PMEPA1: variants seen among roughly 807,000 people sequenced by gnomAD.
PMEPA1 encodes prostate transmembrane protein, androgen induced 1.
Under a neutral mutation model 23.0 loss-of-function variants are expected in PMEPA1, and 11 were observed. That is an observed-to-expected ratio of 0.48 (90% CI 0.30 to 0.79). PMEPA1 has a LOEUF of 0.79. Among genes scored for constraint, PMEPA1 ranks in the 30% least tolerant of loss-of-function variants. The pLI is 0.06. For synonymous variants in PMEPA1, 204 were observed against 166.4 expected (o/e 1.23, Z -1.74); for missense variants, 377 against 390.9 (o/e 0.96, Z 0.30).
intron 1 of PMEPA1, among the ~76,000 whole-genome samples, chr20:57,668,453 G>A (rs1600639960): frequency 1.3e-5 from 2 of 152,188 alleles, no homozygotes; most frequent in South Asian, 4.1e-4. Flanking sequence ...TTCCCGGATG[G>A]AACCTCTTGA....
At chr20:57,672,703 G>A (rs1350695057) in intron 1 of PMEPA1, among the ~76,000 whole-genome samples, 2 of 152,208 alleles carry the variant, frequency 1.3e-5, no homozygotes, top group African/African-American at 2.4e-5. Context: ...CAGAGAGGCT[G>A]GAGGAAGCAG....
intron 1 of PMEPA1, chr20:57,690,377 C>T: frequency 8.1e-7 from 1 of 1,229,668 alleles, no homozygotes; most frequent in South Asian, 1.3e-5. Context: ...GAGAATATCC[C>T]CAGAGAAGAA....
chr20:57,666,597 G>A (rs919584473), intron 1 of PMEPA1, among the ~76,000 whole-genome samples: 1 of 152,208 alleles, frequency 6.6e-6, no homozygotes, highest in African/African-American at 2.4e-5. Flanking sequence ...TGAGCCAAGG[G>A]CTTGTGTTGA....
At chr20:57,708,761 GAC>G (rs1025782218) in intron 1 of PMEPA1, among the ~76,000 whole-genome samples, 1 of 152,038 alleles carries the variant, frequency 6.6e-6, no homozygotes, top group Non-Finnish European at 1.5e-5. Context: ...CAGACACCTG[GAC>G]ACACACGGTC....
intron 1 of PMEPA1, among the ~76,000 whole-genome samples, chr20:57,698,814 G>GAC (rs1568685000): frequency 3.6e-4 from 54 of 151,588 alleles, no homozygotes; most frequent in South Asian, 1.0e-3. Context: ...TACATATAGA[G>GAC]GCACACACAC....
At chr20:57,676,722 C>T (rs1239337567) in intron 1 of PMEPA1, among the ~76,000 whole-genome samples, 3 of 152,090 alleles carry the variant, frequency 2.0e-5, no homozygotes, top group East Asian at 3.9e-4. Flanking sequence ...GGGAGCTGGA[C>T]CCCCCATGAC....
chr20:57,660,710 C>T (rs1167482164), intron 1 of PMEPA1, among the ~76,000 whole-genome samples: 1 of 147,674 alleles, frequency 6.8e-6, no homozygotes, highest in Non-Finnish European at 1.5e-5. Flanking sequence ...ACACAAATAA[C>T]ACCCCAACAC....
In PMEPA1 at chr20:57,683,579, G is replaced by A. The variant is rs1320228926; in HGVS notation, c.110-23882C>T. On this transcript the variant is annotated intron_variant, in intron 1 of 3. Transcript: ENST00000341744. This position sits in a 1 kb window ranked among gnomAD's most constrained non-coding sequence, Gnocchi z 4.3. ...CGTGTGTGTGTGTGTGTGTGTGTGTGTGTGTTTCTTTTAAAAGTCTCTTCC... is the reference window on the plus strand; with the variant it reads ...CGTGTGTGTGTGTGTGTGTGTGTGTATGTGTTTCTTTTAAAAGTCTCTTCC... Among the ~76,000 whole-genome samples, 1 of 151,568 alleles carries A rather than the reference G, an allele frequency of 6.6e-6. No individual in the cohort carries two copies. Among genetic ancestry groups the A allele is most frequent in the Non-Finnish European group, 1.5e-5 (1 of 67,764 alleles).
intron 1 of PMEPA1, among the ~76,000 whole-genome samples, chr20:57,707,751 C>G: frequency 6.6e-6 from 1 of 151,612 alleles, no homozygotes; most frequent in Admixed American, 6.6e-5. Context: ...GTGTGCCCCT[C>G]GAGCAGGAGG....
chr20:57,653,756 T>A (rs1673827530), intron 2 of PMEPA1, among the ~76,000 whole-genome samples: 1 of 152,222 alleles, frequency 6.6e-6, no homozygotes, highest in African/African-American at 2.4e-5. Flanking sequence ...CACGGCCCGC[T>A]GCTGTCCACT....
intron 1 of PMEPA1, among the ~76,000 whole-genome samples, chr20:57,708,651 G>A (rs941752959): frequency 2.6e-5 from 4 of 152,128 alleles, no homozygotes; most frequent in African/African-American, 9.7e-5. Context: ...CCAGACAGAG[G>A]CTATTTATAG....
rs1177546345 is a variant in PMEPA1, at chr20:57,704,539, C to T, written c.109+4935G>A. ...AACCCGAGGCTGGCAGCAGCACAGCCTCCGAAATTCACCGTGTAAGAGTTC... is the reference window on the plus strand; with the variant it reads ...AACCCGAGGCTGGCAGCAGCACAGCTTCCGAAATTCACCGTGTAAGAGTTC... On this transcript the variant is annotated intron_variant, in intron 1 of 3. Coordinates refer to ENST00000341744, the MANE Select transcript of PMEPA1 (RefSeq NM_020182.5). The surrounding 1 kb of genome is among the most constrained non-coding windows in gnomAD (Gnocchi z 4.6). Among the ~76,000 whole-genome samples the T allele has an allele frequency of 1.3e-5, 2 of 152,214 alleles. No homozygotes were observed. Among genetic ancestry groups the T allele is most frequent in the Admixed American group, 1.3e-4 (2 of 15,280 alleles).
chr20:57,659,728 C>T (rs776956028), intron 1 of PMEPA1, 31 bp from the exon 2 acceptor site: 7 of 1,551,094 alleles, frequency 4.5e-6, no homozygotes, highest in Admixed American at 2.0e-5. Flanking sequence ...ACGTGAGACC[C>T]TGGACACCTG....
chr20:57,689,028 T>C (rs1319708027), intron 1 of PMEPA1, among the ~76,000 whole-genome samples: 1 of 152,186 alleles, frequency 6.6e-6, no homozygotes, highest in East Asian at 1.9e-4. Flanking sequence ...GCACAGGCTG[T>C]GGGGTTTTAT....
chr20:57,652,712 G>C lies in PMEPA1; in HGVS notation c.319-114C>G. 3.0e-6 allele frequency: 3 copies of C among 1,002,576 alleles called. No homozygotes were observed. The highest frequency in any genetic ancestry group is 4.3e-6 in the Non-Finnish European group (3 of 704,494). 62.1% of individuals were successfully genotyped at this position (1,002,576 alleles called of 1,614,324 possible). ...GGACTTGGCTCTCTGGGGAAAGGGA[G>C]AGGGCAGCAGGGCTGGCGGGGGCGG... On this transcript the variant is annotated intron_variant, in intron 3 of 3. Transcript: ENST00000341744. This position sits in a 1 kb window ranked among gnomAD's most constrained non-coding sequence, Gnocchi z 6.1.
rs1229129816 is a variant in PMEPA1, at chr20:57,655,094, G to T, written c.265-2008C>A. On this transcript the variant is annotated intron_variant, in intron 2 of 3. Coordinates refer to ENST00000341744, the MANE Select transcript of PMEPA1 (RefSeq NM_020182.5). This position sits in a 1 kb window ranked among gnomAD's most constrained non-coding sequence, Gnocchi z 4.2. ...TTTCCTTTAACGGGTTTTCCTATCTGTATAGCGGGCTGATGACAGCGCCTG... is the reference window on the plus strand; with the variant it reads ...TTTCCTTTAACGGGTTTTCCTATCTTTATAGCGGGCTGATGACAGCGCCTG... Among the ~76,000 whole-genome samples the T allele has an allele frequency of 1.3e-5, 2 of 152,120 alleles. No individual in the cohort carries two copies. Among genetic ancestry groups the T allele is most frequent in the Non-Finnish European group, 2.9e-5 (2 of 68,018 alleles).
chr20:57,658,480 G>T (rs1310632509), intron 2 of PMEPA1, among the ~76,000 whole-genome samples: 3 of 152,190 alleles, frequency 2.0e-5, no homozygotes, highest in Non-Finnish European at 2.9e-5. Context: ...AACGCAGGGG[G>T]AATTTTGCAT....
chr20:57,675,721 A>C (rs890416058), intron 1 of PMEPA1, among the ~76,000 whole-genome samples: 2 of 152,206 alleles, frequency 1.3e-5, no homozygotes, highest in African/African-American at 4.8e-5. Flanking sequence ...GCTCCAGGGC[A>C]GCAAACGTGT....
chr20:57,703,047 A>G (rs2146713470), intron 1 of PMEPA1, among the ~76,000 whole-genome samples: 1 of 152,250 alleles, frequency 6.6e-6, no homozygotes, highest in African/African-American at 2.4e-5. Flanking sequence ...GCCTGACAAG[A>G]CCCTGACGAG....
Sources: gnomAD v4.1 joint callset for allele counts (sites outside exome capture counted in the v4.1 genomes callset) on GRCh38, gnomAD v4.1.1 for gene constraint, Gnocchi (gnomAD v3.1) non-coding constraint, MANE v1.5 for transcripts, NCBI Gene and HGNC (gene_info 2026-07-23, HGNC 2026-07-21) for gene names.